Variants in PUS7 observed in about 807,000 individuals in gnomAD.
PUS7 encodes the protein pseudouridylate synthase 7 homolog.
PUS7 carries 48 observed loss-of-function variants against 79.8 expected under a neutral mutation model. The ratio of observed to expected loss-of-function variants is 0.60; its 90% CI spans 0.48 to 0.76. PUS7 has a LOEUF of 0.76. Ranked by LOEUF, PUS7 falls within the 30% of genes least tolerant of loss-of-function variation. The pLI is 0.00. For missense variants in PUS7, 729 were observed against 797.6 expected, an observed-to-expected ratio of 0.91 and a Z score of 1.04; for synonymous variants, 286 against 272.2, an observed-to-expected ratio of 1.05 and a Z score of -0.50.
chr7:105,458,091 G>A (rs1206306807), intron 15 of PUS7, among the ~76,000 whole-genome samples, 165 bp from the exon 16 acceptor site: 1 of 152,136 alleles, frequency 6.6e-6, no homozygotes, highest in East Asian at 1.9e-4. Flanking sequence ...AGATCTGTGA[G>A]TGTGAACCTG....
chr7:105,474,263 C>G (rs1202338024), intron 9 of PUS7, among the ~76,000 whole-genome samples: 1 of 152,024 alleles, frequency 6.6e-6, no homozygotes, highest in Non-Finnish European at 1.5e-5. Context: ...ATTTTCAATC[C>G]AATAATGTAA....
intron 6 of PUS7, among the ~76,000 whole-genome samples, chr7:105,493,032 G>C (rs116919537): frequency 6.6e-6 from 1 of 152,170 alleles, no homozygotes; most frequent in African/African-American, 2.4e-5. Flanking sequence ...CAACAAAAAA[G>C]GCAACAATGC....
At chr7:105,502,646 T>C in intron 4 of PUS7, 82 bp from the exon 5 acceptor site, 1 of 1,433,120 alleles carries the variant, frequency 7.0e-7, no homozygotes, top group East Asian at 2.3e-5. Context: ...GTAAAAACAC[T>C]GCTCACCTTA....
intron 1 of PUS7, among the ~76,000 whole-genome samples, chr7:105,520,455 G>C (rs898437841): frequency 8.6e-6 from 1 of 116,448 alleles, no homozygotes; most frequent in African/African-American, 2.6e-5. Context: ...CTGGGTGAAT[G>C]CTTAACGAGT....
At chr7:105,514,063 T>C (rs1443231481) in intron 1 of PUS7, among the ~76,000 whole-genome samples, 4 of 135,462 alleles carry the variant, frequency 3.0e-5, no homozygotes, top group Non-Finnish European at 4.8e-5. Context: ...ACCCCGTCTC[T>C]ACTAAAAAAT....
At position 105,515,858 on chromosome 7, in the gene PUS7, G is replaced by A. The variant is rs557069706; in HGVS notation, c.-33+6194C>T. Among the ~76,000 whole-genome samples the A allele has an allele frequency of 9.1e-4, 137 of 150,122 alleles. 1 individual carries two copies. The highest frequency in any genetic ancestry group is 3.5e-3 in the Admixed American group (53 of 15,002). ...AGAGTCTCACTCTGTTGCCCAGGCT[G>A]GAGTGCAGTGGCATGTTCTTGGCTC... On this transcript the variant is annotated intron_variant, in intron 1 of 15. Coordinates refer to ENST00000469408, the MANE Select transcript of PUS7 (RefSeq NM_019042.5).
chr7:105,498,194 C>T (rs1468993701), intron 5 of PUS7, among the ~76,000 whole-genome samples: 4 of 152,130 alleles, frequency 2.6e-5, no homozygotes, highest in African/African-American at 9.7e-5. Context: ...TTTCTAAGTA[C>T]ACTCAATATA....
Position 105,465,404 on chromosome 7 carries a change from G to T in PUS7, c.1536C>A (p.Thr512=). Residue 512 remains threonine (T), a synonymous_variant, in exon 13 of 16, where the codon ACC becomes ACA. Coordinates refer to ENST00000469408, the MANE Select transcript of PUS7 (RefSeq NM_019042.5). The part of the protein sequence containing the change: ...GDLVLKGATA[T]YIEEDDVNNY... ...TATTAACATCATCTTCCTCAATATA[G>T]GTGGCTGTGGCTGTAAATTCACAAG... 1 of 1,609,100 alleles carries T rather than the reference G, an allele frequency of 6.2e-7. No individual in the cohort carries two copies. Among genetic ancestry groups the T allele is most frequent in the Non-Finnish European group, 8.5e-7 (1 of 1,176,500 alleles).
chr7:105,481,797 C>T (rs1824332433), intron 8 of PUS7, among the ~76,000 whole-genome samples: 2 of 150,682 alleles, frequency 1.3e-5, no homozygotes, highest in South Asian at 4.2e-4. Flanking sequence ...GTGGAGCGAT[C>T]TCGGCTCACT....
chr7:105,484,201 G>C (rs552547568), intron 7 of PUS7, among the ~76,000 whole-genome samples: 106 of 152,254 alleles, frequency 7.0e-4, no homozygotes, highest in African/African-American at 2.5e-3. Flanking sequence ...TAAAAATCCT[G>C]TTCCCCCAAA....
Position 105,508,477 on chromosome 7 carries a change from T to C in PUS7, c.36A>G (p.Lys12=). ...TATCTTCGACAACCAGTGCCCCACG[T>C]TTCAGCGACACACCAGTCATTTCTG... is the stretch of plus-strand genomic sequence containing the variant. ...EMTEMTGVSL[K]RGALVVEDND... The change falls in exon 2 of 16, where the codon AAA becomes AAG. Residue 12 remains lysine, a synonymous_variant. Transcript: ENST00000469408. 6.2e-7 allele frequency: 1 copy of C among 1,614,036 alleles called. No homozygotes were observed. The highest frequency in any genetic ancestry group is 8.5e-7 in the Non-Finnish European group (1 of 1,179,980).
chr7:105,491,131 C>T (rs1824763941), intron 7 of PUS7, among the ~76,000 whole-genome samples: 1 of 152,174 alleles, frequency 6.6e-6, no homozygotes, highest in South Asian at 2.1e-4. Context: ...ATCTCTATTT[C>T]AGTATTTATC....
At chr7:105,502,078 A>T (rs1459158727) in intron 5 of PUS7, among the ~76,000 whole-genome samples, 1 of 152,068 alleles carries the variant, frequency 6.6e-6, no homozygotes, top group African/African-American at 2.4e-5. Context: ...TGAAGAACAC[A>T]GAATGAGCAA....
intron 7 of PUS7, among the ~76,000 whole-genome samples, chr7:105,487,048 G>A (rs922037480): frequency 5.3e-5 from 8 of 151,810 alleles, no homozygotes; most frequent in Admixed American, 2.0e-4. Context: ...ATAACAGAAC[G>A]AGACCCTGTA....
intron 5 of PUS7, among the ~76,000 whole-genome samples, chr7:105,495,747 AAAAT>A (rs1051421530): frequency 2.0e-4 from 31 of 152,194 alleles, no homozygotes; most frequent in African/African-American, 7.0e-4. Context: ...CCTGTCTCAA[AAAAT>A]AAATAAAAGA....
intron 7 of PUS7, among the ~76,000 whole-genome samples, chr7:105,489,116 C>G (rs1458681675): frequency 7.2e-6 from 1 of 138,500 alleles, no homozygotes; most frequent in African/African-American, 2.9e-5. Context: ...CTACTGCACT[C>G]CAGCGTGGGC....
At chr7:105,507,654 G>A (rs1290487706) in intron 2 of PUS7, among the ~76,000 whole-genome samples, 1 of 152,004 alleles carries the variant, frequency 6.6e-6, no homozygotes, top group Admixed American at 6.6e-5. Flanking sequence ...CTATTCTCCT[G>A]CCTCAGCCTC....
At chr7:105,501,426 G>T (rs1677310512) in intron 5 of PUS7, among the ~76,000 whole-genome samples, 1 of 152,000 alleles carries the variant, frequency 6.6e-6, no homozygotes, top group Non-Finnish European at 1.5e-5. Context: ...TTTCCTGAAA[G>T]GTTATATGCA....
intron 13 of PUS7, among the ~76,000 whole-genome samples, chr7:105,463,797 G>A (rs1248354627): frequency 6.6e-6 from 1 of 152,106 alleles, no homozygotes; most frequent in Non-Finnish European, 1.5e-5. Flanking sequence ...ATGGACAAAT[G>A]CAAATACATT....
Sources: allele counts gnomAD v4.1 joint callset (sites outside exome capture counted in the v4.1 genomes callset), GRCh38; gene constraint gnomAD v4.1.1; transcripts MANE v1.5; gene names NCBI Gene and HGNC (gene_info 2026-07-23, HGNC 2026-07-21).